The following SPHK2 variants were observed in gnomAD, a reference collection of about 807,000 sequenced individuals.
SPHK2 encodes the protein sphingosine kinase 2.
In SPHK2, 18 loss-of-function variants were observed where a neutral mutation model predicts 32.3. The observed-to-expected ratio is 0.56, with a 90% confidence interval of 0.39 to 0.83. The LOEUF is 0.83. Among genes scored for constraint, SPHK2 ranks in the 40% least tolerant of loss-of-function variants. The probability of loss-of-function intolerance (pLI) is 0.00; values close to 1 mark genes in which losing one functional copy is unlikely to be tolerated. For missense variants in SPHK2, 850 were observed against 908.7 expected (o/e 0.94, Z 0.83); for synonymous variants, 462 against 417.6 (o/e 1.11, Z -1.30).
At chr19:48,625,265 T>TCTTA in intron 2 of SPHK2, 3 of 1,088,710 alleles carry the variant, frequency 2.8e-6, no homozygotes, top group Non-Finnish European at 3.4e-6. Context: ...AGTCTTACTC[T>TCTTA]CTTAAGTATC....
chr19:48,626,145 A>G lies in SPHK2; in HGVS notation c.294A>G (p.Ser98=), dbSNP rs1050942259. The G allele has an allele frequency of 2.1e-5, 33 of 1,604,256 alleles. No individual in the cohort carries two copies. The highest frequency in any genetic ancestry group is 2.7e-5 in the Non-Finnish European group (32 of 1,175,378). The stretch of plus-strand genomic sequence containing the variant: ...GCCTGGTCCCGTTGGCCGAGGTCTC[A>G]GGCTGCTGCACCCTGCGAAGCCGCA... ...RGGLVPLAEV[S]GCCTLRSRSP... is the part of the protein sequence containing the mutation. Residue 98 remains serine (S), a synonymous_variant, in exon 3 of 7, where the codon TCA becomes TCG. Transcript: ENST00000245222.
Position 48,628,635 on chromosome 19 carries a change from T to C in SPHK2, c.873-46T>C, listed in dbSNP as rs1161055065. ...CCTACCTGTCTCTTTCCCCAACCCCTGTTTGCTCCTTCCTTCTGTGTGTCC... is the reference window on the plus strand; with the variant it reads ...CCTACCTGTCTCTTTCCCCAACCCCCGTTTGCTCCTTCCTTCTGTGTGTCC... On this transcript the variant is annotated intron_variant, in intron 6 of 6. Coordinates refer to ENST00000245222, the MANE Select transcript of SPHK2 (RefSeq NM_020126.5). This position sits in a 1 kb window ranked among gnomAD's most constrained non-coding sequence, Gnocchi z 5.2. 4.4e-6 allele frequency: 7 copies of C among 1,593,806 alleles called. No individual in the cohort carries two copies. In the African/African-American group the frequency reaches 5.4e-5, roughly 12 times the overall value.
At chr19:48,626,534 A>C in intron 3 of SPHK2, 172 bp downstream of exon 3, 1 of 867,794 alleles carries the variant, frequency 1.2e-6, no homozygotes, top group Non-Finnish European at 1.6e-6. Context: ...AGACAAGAGG[A>C]CCGGATGTGG....
At chr19:48,624,565 C>G (rs1974531542) in intron 2 of SPHK2, 1 of 152,260 alleles carries the variant, frequency 6.6e-6, no homozygotes, top group Admixed American at 6.6e-5. Flanking sequence ...AGGACTGAAC[C>G]CAGCCAGGCC....
chr19:48,620,949 A>T (rs1371818319), intron 2 of SPHK2: 1 of 169,368 alleles, frequency 5.9e-6, no homozygotes, highest in Non-Finnish European at 1.3e-5. Flanking sequence ...ACAGGGTCTC[A>T]CTCTTGCCCA....
rs746971781 is a variant in SPHK2 at position 48,626,284 on chromosome 19, G to C, written c.433G>C (p.Glu145Gln). ...FRADGAATYE[E>Q]NRAEAQRWAT... ...GGCAGATGGGGCCGCCACCTACGAA[G>C]AGAACCGTGCCGAGGCCCAGCGCTG... The change falls in exon 3 of 7, where the codon GAG becomes CAG. Residue 145 changes from glutamate (E) to glutamine (Q), a missense_variant. This residue lies in a region of SPHK2 where 544 missense variants were observed against 640.0 expected (regional missense o/e 0.85). Coordinates refer to ENST00000245222, the MANE Select transcript of SPHK2 (RefSeq NM_020126.5). The C allele has an allele frequency of 6.3e-7, 1 of 1,595,004 alleles. No homozygotes were observed. Among genetic ancestry groups the C allele is most frequent in the South Asian group, 1.1e-5 (1 of 90,384 alleles).
intron 2 of SPHK2, chr19:48,625,463 C>A: frequency 1.7e-6 from 2 of 1,202,770 alleles, no homozygotes; most frequent in Non-Finnish European, 2.1e-6. Context: ...ATATCCAATC[C>A]CACTATCCAT....
rs1451633565 is a variant in SPHK2, at chr19:48,627,754, G to A, written c.574G>A (p.Gly192Ser). Residue 192 changes from glycine (G) to serine (S), a missense_variant, in exon 4 of 7, where the codon GGT (glycine) becomes AGT (serine). Coordinates refer to ENST00000245222, the MANE Select transcript of SPHK2 (RefSeq NM_020126.5). ...RLLLLVNPFGGRGLAWQWCKN... is the reference protein window; with the variant it reads ...RLLLLVNPFGSRGLAWQWCKN... ...GCTTCTATTGGTCAATCCCTTTGGG[G>A]GTCGGGGCCTGGCCTGGCAGTGGTG... The A allele has an allele frequency of 6.2e-7, 1 of 1,613,746 alleles. No homozygotes were observed. The highest frequency in any genetic ancestry group is 1.3e-5 in the African/African-American group (1 of 74,922).
intron 2 of SPHK2, among the ~76,000 whole-genome samples, chr19:48,622,757 CTTTTTTTTTTT>C (rs779108312): frequency 1.1e-4 from 12 of 108,546 alleles, no homozygotes; most frequent in African/African-American, 3.6e-4. Context: ...ATTTGTCTCT[CTTTTTTTTTTT>C]TTTTTTTTTT....
In SPHK2 at chr19:48,629,640, A is replaced by G. The variant is rs1224484100; in HGVS notation, c.1832A>G (p.Glu611Gly). 6.2e-7 allele frequency: 1 copy of G among 1,602,490 alleles called. No homozygotes were observed. Among genetic ancestry groups the G allele is most frequent in the East Asian group, 2.3e-5 (1 of 44,326 alleles). ...GCCGCGGCCCGTGCCTTCCGCCTAG[A>G]GCCGCTCACACCACGCGGCGTGCTC... Reference protein sequence around the residue: ...GYAAARAFRLEPLTPRGVLTV... With the variant: ...GYAAARAFRLGPLTPRGVLTV... Residue 611 changes from glutamate to glycine, a missense_variant, in exon 7 of 7, where the codon GAG (glutamate) becomes GGG (glycine). Coordinates refer to ENST00000245222, the MANE Select transcript of SPHK2 (RefSeq NM_020126.5).
In SPHK2 at chr19:48,629,858, T is replaced by C; in HGVS notation, c.*85T>C. The C allele has an allele frequency of 6.8e-7, 1 of 1,477,698 alleles. No homozygotes were observed. The highest frequency in any genetic ancestry group is 2.6e-5 in the Admixed American group (1 of 38,810). 91.5% of individuals were successfully genotyped at this position (1,477,698 alleles called of 1,614,324 possible). On this transcript the variant is annotated 3_prime_UTR_variant, in exon 7 of 7. Transcript: ENST00000245222. ...GAGCTAGGGGGTGTGGCCTGGCTGC[T>C]AGAGTTGTGGTGGCAGGGGCCCTGG...
chr19:48,629,819 A>G lies in SPHK2; in HGVS notation c.*46A>G, dbSNP rs544928614. On this transcript the variant is annotated 3_prime_UTR_variant, in exon 7 of 7. Transcript: ENST00000245222. ...CGCCGGGGGCGGGGCCTACATTCCA[A>G]TGGGGCGGAGCCTGAGCTAGGGGGT... 207 of 1,519,590 alleles carry G rather than the reference A, an allele frequency of 1.4e-4. 2 individuals carry two copies. In the South Asian group the frequency reaches 2.3e-3, roughly 17 times the overall value. 94.1% of individuals were successfully genotyped at this position (1,519,590 alleles called of 1,614,324 possible).
Position 48,629,412 on chromosome 19 carries a change from A to AG in SPHK2, c.1609dup (p.Asp537GlyfsTer16). 6.2e-7 allele frequency: 1 copy of AG among 1,611,408 alleles called. No homozygotes were observed. The highest frequency in any genetic ancestry group is 8.5e-7 in the Non-Finnish European group (1 of 1,179,452). ...CTGCCCCCAGACTGGGTGACGCTGG[A>AG]GGGGGACTTTGTGCTCATGTTGGCC... On this transcript the variant is annotated frameshift_variant, in exon 7 of 7. Coordinates refer to ENST00000245222, the MANE Select transcript of SPHK2 (RefSeq NM_020126.5). LOFTEE classifies it low-confidence loss of function (END_TRUNC).
chr19:48,622,539 T>C (rs1290523180), intron 2 of SPHK2, among the ~76,000 whole-genome samples: 1 of 152,036 alleles, frequency 6.6e-6, no homozygotes, highest in Non-Finnish European at 1.5e-5. Flanking sequence ...TTAGGCTCTA[T>C]GTTTGAATCT....
chr19:48,627,598 C>T (rs1294969688), intron 3 of SPHK2, 94 bp from the exon 4 acceptor site: 2 of 1,451,986 alleles, frequency 1.4e-6, no homozygotes, highest in East Asian at 4.7e-5. Flanking sequence ...GGGGCCAGCC[C>T]TCCACCAATT....
rs777396276 is a variant in SPHK2, at chr19:48,626,105, C to T, written c.254C>T (p.Ala85Val). Reference protein sequence around the residue: ...HIQRLRPKPEARPRGGLVPLA... With the variant: ...HIQRLRPKPEVRPRGGLVPLA... ...CAGCGGCTGCGCCCCAAACCTGAAG[C>T]CAGGCCCCGGGGTGGCCTGGTCCCG... is the stretch of plus-strand genomic sequence containing the variant. The change falls in exon 3 of 7, where the codon GCC (alanine) becomes GTC (valine). Residue 85 changes from alanine (A) to valine (V), a missense_variant. Physicochemically the swap from Ala to Val is moderately conservative, Grantham distance 64. Around this residue, in one of 2 missense-constraint regions of SPHK2, gnomAD observed 544 missense variants for 640.0 expected, o/e 0.85. Transcript: ENST00000245222. 2 of 1,610,990 alleles carry T rather than the reference C, an allele frequency of 1.2e-6. No homozygotes were observed. The highest frequency in any genetic ancestry group is 2.7e-5 in the African/African-American group (2 of 74,892).
At chr19:48,620,610 C>T (rs376017735) in intron 2 of SPHK2, 57 bp downstream of exon 2, 9 of 1,265,710 alleles carry the variant, frequency 7.1e-6, no homozygotes, top group Non-Finnish European at 6.5e-6. Context: ...AAATCTGAAG[C>T]TTTTCTTTAA....
chr19:48,620,579 T>C (rs755231772), intron 2 of SPHK2, 26 bp downstream of exon 2: 7 of 1,574,382 alleles, frequency 4.4e-6, no homozygotes, highest in Non-Finnish European at 6.1e-6. Flanking sequence ...AAAGCCAAGA[T>C]CCTCATACTG....
In SPHK2 at chr19:48,629,367, T is replaced by C. The variant is rs1479317259; in HGVS notation, c.1559T>C (p.Leu520Pro). The change falls in exon 7 of 7, where the codon CTG becomes CCG. Residue 520 changes from leucine to proline, a missense_variant. Physicochemically the swap from Leu to Pro is moderately conservative, Grantham distance 98. Coordinates refer to ENST00000245222, the MANE Select transcript of SPHK2 (RefSeq NM_020126.5). Reference sequence around the variant, plus strand: ...ACCTGCGGCCCGCCCGACCACCTGCTGCCTCCGCTGGGCACCCCGCTGCCC... The same window carrying C: ...ACCTGCGGCCCGCCCGACCACCTGCCGCCTCCGCTGGGCACCCCGCTGCCC... ...ASTCGPPDHLLPPLGTPLPPD... is the reference protein window; with the variant it reads ...ASTCGPPDHLPPPLGTPLPPD... The C allele has an allele frequency of 6.2e-7, 1 of 1,612,208 alleles. No individual in the cohort carries two copies. The highest frequency in any genetic ancestry group is 1.1e-5 in the South Asian group (1 of 91,042).
Sources: gnomAD v4.1 joint callset for allele counts (sites outside exome capture counted in the v4.1 genomes callset) on GRCh38, gnomAD v4.1.1 for gene constraint, gnomAD v4.1.1 regional missense constraint, Gnocchi (gnomAD v3.1) non-coding constraint, MANE v1.5 for transcripts, NCBI Gene and HGNC (gene_info 2026-07-23, HGNC 2026-07-21) for gene names.